MELK: variants seen among roughly 807,000 people sequenced by gnomAD.
MELK encodes pEg3 kinase.
In MELK, 81 loss-of-function variants were observed where a neutral mutation model predicts 85.0. The ratio of observed to expected loss-of-function variants is 0.95; its 90% CI spans 0.80 to 1.15. The LOEUF is 1.15. MELK is among the 50% of genes most tolerant of loss of function. The pLI, the probability that MELK is intolerant of heterozygous loss-of-function variation, is 0.00. For missense variants in MELK, 754 were observed against 777.5 expected, an observed-to-expected ratio of 0.97 and a Z score of 0.36; for synonymous variants, 252 against 265.0, an observed-to-expected ratio of 0.95 and a Z score of 0.48.
chr9:36,630,029 G>T (rs1043858432), intron 8 of MELK: 1 of 281,716 alleles, frequency 3.5e-6, no homozygotes, highest in African/African-American at 2.2e-5. Context: ...ATTTTTAGTA[G>T]AGACAGTGTT....
At chr9:36,604,371 CGGGTTCAGGCGATTCTCATT>C (rs1048450877) in intron 7 of MELK, among the ~76,000 whole-genome samples, 4 of 146,954 alleles carry the variant, frequency 2.7e-5, no homozygotes, top group South Asian at 2.2e-4. Flanking sequence ...CTCTGCCTCC[CGGGTTCAGGCGATTCTCATT>C]GGGTTCAGGC....
rs1474519897 is a variant in MELK, at chr9:36,657,275, G to C, written c.1088G>C (p.Ser363Thr). The change falls in exon 13 of 18, where the codon AGT becomes ACT. Residue 363 changes from serine to threonine, a missense_variant. Coordinates refer to ENST00000298048, the MANE Select transcript of MELK (RefSeq NM_014791.4). The stretch of plus-strand genomic sequence containing the variant: ...TGGAGTCTGGAAGATGTGACCGCAA[G>C]TGATAAAAATTATGTGGCGGGATTA... ...NNWSLEDVTA[S>T]DKNYVAGLID... 2 of 1,613,424 alleles carry C rather than the reference G, an allele frequency of 1.2e-6. No homozygotes were observed. The highest frequency in any genetic ancestry group is 1.7e-5 in the Admixed American group (1 of 59,822).
At chr9:36,607,527 GTTTGAA>G (rs1335880537) in intron 7 of MELK, 42 bp from the exon 8 acceptor site, 1 of 1,353,510 alleles carries the variant, frequency 7.4e-7, no homozygotes, top group South Asian at 1.2e-5. Flanking sequence ...TCTGAAATAT[GTTTGAA>G]TTTTTGTTTC....
In MELK at chr9:36,657,347, C is replaced by A; in HGVS notation, c.1160C>A (p.Thr387Asn). 1 of 1,609,698 alleles carries A rather than the reference C, an allele frequency of 6.2e-7. No homozygotes were observed. The change falls in exon 13 of 18, where the codon ACT (threonine) becomes AAT (asparagine). Residue 387 changes from threonine to asparagine, a missense_variant. Transcript: ENST00000298048. ...GATGATTTATCAACAGGTGCTGCTACTCCCCGAACATCACAGGTTCGTCAT... is the reference window on the plus strand; with the variant it reads ...GATGATTTATCAACAGGTGCTGCTAATCCCCGAACATCACAGGTTCGTCAT... ...CEDDLSTGAA[T>N]PRTSQFTKYW...
At chr9:36,585,346 C>T (rs954267390) in intron 3 of MELK, among the ~76,000 whole-genome samples, 4 of 116,116 alleles carry the variant, frequency 3.4e-5, no homozygotes, top group Non-Finnish European at 6.4e-5. Context: ...CTTGCTCTGT[C>T]ACCAGGCTGG....
At chr9:36,612,834 G>C (rs1224495969) in intron 8 of MELK, among the ~76,000 whole-genome samples, 2 of 152,178 alleles carry the variant, frequency 1.3e-5, no homozygotes, top group Non-Finnish European at 2.9e-5. Context: ...CTTGGGGAGA[G>C]CTTGACAATT....
At chr9:36,630,495 C>G in intron 9 of MELK, 128 bp downstream of exon 9, 1 of 711,166 alleles carries the variant, frequency 1.4e-6, no homozygotes, top group Admixed American at 2.3e-5. Flanking sequence ...TTGAAAATAT[C>G]CTCTATTAGA....
At chr9:36,651,695 A>G (rs1354522576) in intron 11 of MELK, 51 bp from the exon 12 acceptor site, 9 of 1,581,280 alleles carry the variant, frequency 5.7e-6, no homozygotes, top group Non-Finnish European at 7.7e-6. Context: ...ATAGAACATC[A>G]TTTCCACAAA....
In MELK at chr9:36,677,542, CTG is replaced by C; in HGVS notation, c.*207_*208del. On this transcript the variant is annotated 3_prime_UTR_variant, in exon 18 of 18. Coordinates refer to ENST00000298048, the MANE Select transcript of MELK (RefSeq NM_014791.4). ...ATCAAGCCCATCTGTCATTATGTTA[CTG>C]TCTTTTTTAATCATGTGGTTTTGTA... 1 of 417,640 alleles carries C rather than the reference CTG, an allele frequency of 2.4e-6. No individual in the cohort carries two copies. The highest frequency in any genetic ancestry group is 2.0e-5 in the African/African-American group (1 of 49,234). 25.9% of individuals were successfully genotyped at this position (417,640 alleles called of 1,614,324 possible). A position where few individuals can be genotyped will look rare whatever the true frequency, so the allele number is the denominator to read the frequency against.
At chr9:36,628,321 T>TTA (rs1247468150) in intron 8 of MELK, among the ~76,000 whole-genome samples, 2 of 152,248 alleles carry the variant, frequency 1.3e-5, no homozygotes, top group East Asian at 3.8e-4. Context: ...AGGAGGGGTT[T>TTA]TAGATACTCT....
At chr9:36,621,418 A>AAAGAT (rs10652437) in intron 8 of MELK, among the ~76,000 whole-genome samples, 37,033 of 151,230 alleles carry the variant, frequency 0.24, 7,817 homozygotes, top group African/African-American at 0.58. Context: ...ACTTACCCAC[A>AAAGAT]AAGATAAGTA....
At chr9:36,616,128 A>G (rs1189452057) in intron 8 of MELK, among the ~76,000 whole-genome samples, 1 of 152,212 alleles carries the variant, frequency 6.6e-6, no homozygotes, top group East Asian at 1.9e-4. Flanking sequence ...ATTAAAAGTA[A>G]AAGTAGACCT....
At chr9:36,595,487 C>T (rs573094892) in intron 5 of MELK, among the ~76,000 whole-genome samples, 11 of 152,068 alleles carry the variant, frequency 7.2e-5, no homozygotes, top group Non-Finnish European at 1.5e-4. Context: ...TCGCCCTGGC[C>T]TCCCAAAGTG....
intron 15 of MELK, 144 bp downstream of exon 15, chr9:36,669,550 G>C (rs1832707335): frequency 1.7e-6 from 1 of 578,922 alleles, no homozygotes; most frequent in Non-Finnish European, 2.8e-6. Flanking sequence ...TGGATGACCT[G>C]TGGCCATTCC....
intron 8 of MELK, among the ~76,000 whole-genome samples, chr9:36,629,116 T>G (rs1347250076): frequency 6.6e-6 from 1 of 150,840 alleles, no homozygotes; most frequent in Non-Finnish European, 1.5e-5. Context: ...CCACCTGCCT[T>G]GGCCTCCCAA....
At chr9:36,599,555 G>A (rs1478968926) in intron 7 of MELK, 69 bp downstream of exon 7, 2 of 1,142,476 alleles carry the variant, frequency 1.8e-6, no homozygotes, top group East Asian at 4.8e-5. Context: ...TAGTGAGTCA[G>A]GCACTGTGCG....
intron 8 of MELK, among the ~76,000 whole-genome samples, chr9:36,613,184 C>T (rs946061905): frequency 2.6e-5 from 4 of 152,246 alleles, no homozygotes; most frequent in Admixed American, 6.5e-5. Context: ...TTTGTACTTA[C>T]CCTTTCACCT....
chr9:36,615,188 G>A (rs1319334674), intron 8 of MELK, among the ~76,000 whole-genome samples: 4 of 142,530 alleles, frequency 2.8e-5, no homozygotes, highest in African/African-American at 1.1e-4. Flanking sequence ...GCGGCTGGCC[G>A]GGCGGGGGGC....
At chr9:36,603,159 T>C (rs1323891110) in intron 7 of MELK, among the ~76,000 whole-genome samples, 2 of 152,172 alleles carry the variant, frequency 1.3e-5, no homozygotes, top group Admixed American at 1.3e-4. Flanking sequence ...CTTCCTGTCC[T>C]TCTCAGAGTG....
Sources: allele counts gnomAD v4.1 joint callset (sites outside exome capture counted in the v4.1 genomes callset), GRCh38; gene constraint gnomAD v4.1.1; transcripts MANE v1.5; gene names NCBI Gene and HGNC (gene_info 2026-07-23, HGNC 2026-07-21).